RALGPS1: variants seen among roughly 807,000 people sequenced by gnomAD.
The protein encoded by RALGPS1 is ras-specific guanine nucleotide-releasing factor RalGPS1.
Under a neutral mutation model 78.8 loss-of-function variants are expected in RALGPS1, and 19 were observed. That is an observed-to-expected ratio of 0.24 (90% CI 0.17 to 0.35). The LOEUF (loss-of-function observed/expected upper bound fraction) is 0.35, where lower values mean the gene tolerates loss of function less well. Among genes scored for constraint, RALGPS1 ranks in the 10% least tolerant of loss-of-function variants. RALGPS1 has a pLI of 1.00. For synonymous variants in RALGPS1, 228 were observed against 256.3 expected, an observed-to-expected ratio of 0.89 and a Z score of 1.06; for missense variants, 454 against 688.3, an observed-to-expected ratio of 0.66 and a Z score of 3.81.
chr9:127,112,615 T>C (rs1479161893), intron 8 of RALGPS1, among the ~76,000 whole-genome samples: 1 of 152,238 alleles, frequency 6.6e-6, no homozygotes, highest in Non-Finnish European at 1.5e-5. Context: ...GTTCTTGCCA[T>C]TGCACTTGAG....
At chr9:126,980,415 A>G (rs2041132146) in intron 4 of RALGPS1, among the ~76,000 whole-genome samples, 1 of 152,186 alleles carries the variant, frequency 6.6e-6, no homozygotes, top group South Asian at 2.1e-4. Context: ...TTCTTTAAAA[A>G]AATTACAAAT....
At chr9:127,140,424 G>A (rs539474775) in intron 8 of RALGPS1, among the ~76,000 whole-genome samples, 38 of 152,342 alleles carry the variant, frequency 2.5e-4, no homozygotes, top group African/African-American at 6.7e-4. Flanking sequence ...CCCTTAGATC[G>A]TCATGAAAGG....
At chr9:126,919,727 A>G (rs1255926385) in intron 1 of RALGPS1, among the ~76,000 whole-genome samples, 2 of 152,212 alleles carry the variant, frequency 1.3e-5, no homozygotes, top group Non-Finnish European at 2.9e-5. Context: ...AATAGATTCT[A>G]TTCTTTGTGA....
intron 8 of RALGPS1, among the ~76,000 whole-genome samples, chr9:127,099,520 C>T (rs1327149149): frequency 6.6e-6 from 1 of 152,154 alleles, no homozygotes; most frequent in African/African-American, 2.4e-5. Context: ...AGAGTCCCAC[C>T]CAGGCCAGCA....
intron 3 of RALGPS1, among the ~76,000 whole-genome samples, chr9:126,969,243 G>A (rs1046194617): frequency 6.6e-6 from 1 of 152,144 alleles, no homozygotes; most frequent in African/African-American, 2.4e-5. Flanking sequence ...GTGTGTGTAT[G>A]TAAGAGACAA....
intron 4 of RALGPS1, among the ~76,000 whole-genome samples, chr9:126,982,818 CCTT>C (rs1010017172): frequency 7.5e-5 from 7 of 92,986 alleles, no homozygotes; most frequent in South Asian, 5.3e-4. Context: ...CTTTCTTCCT[CCTT>C]CTTCTTCCTC....
chr9:127,115,700 TACTC>T (rs2055339066), intron 8 of RALGPS1, among the ~76,000 whole-genome samples: 1 of 152,246 alleles, frequency 6.6e-6, no homozygotes, highest in African/African-American at 2.4e-5. Flanking sequence ...GCTTGCATGT[TACTC>T]ACTGTTGACT....
chr9:127,210,801 ATTTG>A lies in RALGPS1; in HGVS notation c.1248-1325_1248-1322del, dbSNP rs1336933257. 5 of 1,536,516 alleles carry A rather than the reference ATTTG, an allele frequency of 3.3e-6. No homozygotes were observed. In the African/African-American group the frequency reaches 5.5e-5, roughly 17 times the overall value. On this transcript the variant is annotated intron_variant, in intron 14 of 18. Transcript: ENST00000259351. ...CAGGTATTCATGTGTTCATGTGTTC[ATTTG>A]TTTGACACATAGCTTGTTATGTGGC...
intron 10 of RALGPS1, among the ~76,000 whole-genome samples, chr9:127,172,604 G>A (rs1351567777): frequency 2.0e-5 from 3 of 152,140 alleles, no homozygotes; most frequent in Non-Finnish European, 4.4e-5. Flanking sequence ...TGCTAACAGC[G>A]GCAACCTCCA....
intron 8 of RALGPS1, among the ~76,000 whole-genome samples, chr9:127,110,759 C>T (rs2054722826): frequency 6.6e-6 from 1 of 152,144 alleles, no homozygotes; most frequent in South Asian, 2.1e-4. Context: ...CTTTCATACC[C>T]CACATCTAAT....
intron 11 of RALGPS1, among the ~76,000 whole-genome samples, chr9:127,188,115 G>A (rs1263605994): frequency 2.2e-5 from 3 of 139,086 alleles, no homozygotes. Context: ...AGGCTGGAGT[G>A]CAGTGGCGCG....
intron 4 of RALGPS1, among the ~76,000 whole-genome samples, chr9:127,004,875 G>T (rs1278086405): frequency 1.3e-5 from 2 of 152,184 alleles, no homozygotes; most frequent in African/African-American, 4.8e-5. Flanking sequence ...TGAGAAGAAG[G>T]CTTGAGTTAA....
intron 8 of RALGPS1, among the ~76,000 whole-genome samples, chr9:127,115,501 A>G (rs1287159271): frequency 6.6e-6 from 1 of 152,244 alleles, no homozygotes; most frequent in Non-Finnish European, 1.5e-5. Context: ...AAGGTATTAT[A>G]TCTGCATTTG....
In RALGPS1 at chr9:127,055,179, AG is replaced by A. The variant is rs143114984; in HGVS notation, c.483+2242del. On this transcript the variant is annotated intron_variant, in intron 7 of 18. Transcript: ENST00000259351. Reference sequence around the variant, plus strand: ...ATATGCCAAGATAAAAGCATGTGGCAGGCACTGCCCTAAATGCTTTTTCTAT... The same window carrying A: ...ATATGCCAAGATAAAAGCATGTGGCAGCACTGCCCTAAATGCTTTTTCTAT... Among the ~76,000 whole-genome samples the A allele has an allele frequency of 9.9e-3, 1,497 of 151,938 alleles. 30 individuals are homozygous for A. The highest frequency in any genetic ancestry group is 0.034 in the African/African-American group (1,406 of 41,460).
chr9:127,199,420 G>A (rs939083580), intron 14 of RALGPS1, among the ~76,000 whole-genome samples: 1 of 152,170 alleles, frequency 6.6e-6, no homozygotes, highest in East Asian at 1.9e-4. Flanking sequence ...ATGTGGCTCC[G>A]CCTGGTGGGG....
intron 11 of RALGPS1, chr9:127,184,017 C>T (rs1287713279): frequency 6.5e-7 from 1 of 1,549,446 alleles, no homozygotes; most frequent in African/African-American, 1.4e-5. Context: ...TCCCCGTGGC[C>T]TAGGAATCTA....
rs2135846190 is a variant in RALGPS1, at chr9:127,069,249, A to G, written c.503A>G (p.Lys168Arg). The part of the protein sequence containing the change: ...KTWALLNRKD[K>R]TTFEKLDYLM... ...TTCTAGCTTTTAAATCGAAAAGACAAGACTACCTTTGAGAAATTGGACTAC... is the reference window on the plus strand; with the variant it reads ...TTCTAGCTTTTAAATCGAAAAGACAGGACTACCTTTGAGAAATTGGACTAC... The change falls in exon 8 of 19, where the codon AAG (lysine) becomes AGG (arginine). Residue 168 changes from lysine (K) to arginine (R), a missense_variant. Transcript: ENST00000259351. 2.5e-6 allele frequency: 4 copies of G among 1,609,932 alleles called. No individual in the cohort carries two copies. Among genetic ancestry groups the G allele is most frequent in the Non-Finnish European group, 2.5e-6 (3 of 1,176,646 alleles).
chr9:126,987,755 C>A (rs1486616283), intron 4 of RALGPS1, among the ~76,000 whole-genome samples: 1 of 149,970 alleles, frequency 6.7e-6, no homozygotes, highest in African/African-American at 2.5e-5. Flanking sequence ...TCTGCCTTCA[C>A]TCATTTACTC....
chr9:127,053,401 A>G (rs1489961417), intron 7 of RALGPS1, among the ~76,000 whole-genome samples: 2 of 152,202 alleles, frequency 1.3e-5, no homozygotes, highest in Non-Finnish European at 2.9e-5. Context: ...AAGGCCCTGG[A>G]TAATTTCAGC....
Sources: gnomAD v4.1 joint callset for allele counts (sites outside exome capture counted in the v4.1 genomes callset) on GRCh38, gnomAD v4.1.1 for gene constraint, MANE v1.5 for transcripts, NCBI Gene and HGNC (gene_info 2026-07-23, HGNC 2026-07-21) for gene names.